The following SUSD4 variants were observed in gnomAD, a reference collection of about 807,000 sequenced individuals.
SUSD4 encodes sushi domain-containing protein 4.
Under a neutral mutation model 50.5 loss-of-function variants are expected in SUSD4, and 41 were observed. The ratio of observed to expected loss-of-function variants is 0.81; its 90% confidence interval spans 0.63 to 1.05. The LOEUF (loss-of-function observed/expected upper bound fraction) is 1.05. SUSD4 is among the 50% of genes least tolerant of loss of function. The pLI, the probability that SUSD4 is intolerant of heterozygous loss-of-function variation, is 0.00. For missense variants in SUSD4, 580 were observed against 634.7 expected (o/e 0.91, Z 0.93); for synonymous variants, 257 against 257.3 (o/e 1.00, Z 0.01).
chr1:223,354,680 A>G (rs1001227967), intron 2 of SUSD4, among the ~76,000 whole-genome samples: 1 of 152,236 alleles, frequency 6.6e-6, no homozygotes, highest in Non-Finnish European at 1.5e-5. Context: ...AGATTCTAAC[A>G]TTGACACTCA....
intron 2 of SUSD4, among the ~76,000 whole-genome samples, chr1:223,361,935 G>T (rs1267132194): frequency 6.6e-6 from 1 of 152,226 alleles, no homozygotes; most frequent in Non-Finnish European, 1.5e-5. Context: ...AGGGCACACA[G>T]GTGCTGGCCT....
At chr1:223,317,936 C>T (rs1190223161) in intron 2 of SUSD4, among the ~76,000 whole-genome samples, 1 of 113,800 alleles carries the variant, frequency 8.8e-6, no homozygotes, top group Non-Finnish European at 1.8e-5. Flanking sequence ...ATACATGTGC[C>T]ATGCTGGTGC....
chr1:223,317,522 C>A (rs1666273261), intron 2 of SUSD4, among the ~76,000 whole-genome samples: 3 of 152,114 alleles, frequency 2.0e-5, no homozygotes, highest in Admixed American at 2.0e-4. Flanking sequence ...GGATTGGGAC[C>A]CCTTTCCTGG....
chr1:223,309,436 G>C (rs1459383591), intron 2 of SUSD4, among the ~76,000 whole-genome samples: 1 of 152,210 alleles, frequency 6.6e-6, no homozygotes, highest in Non-Finnish European at 1.5e-5. Flanking sequence ...CCAGGGATAA[G>C]AGGGAAACAA....
chr1:223,221,728 A>G lies in SUSD4; in HGVS notation c.*464T>C, dbSNP rs1398719597. ...GGCTCTGCTGTTCTTCCAGCATCTCAACACAAACTTTCTGCAGAGGCTGAC... is the reference window on the plus strand; with the variant it reads ...GGCTCTGCTGTTCTTCCAGCATCTCGACACAAACTTTCTGCAGAGGCTGAC... On this transcript the variant is annotated 3_prime_UTR_variant, in exon 9 of 9. Transcript: ENST00000366878. 1 of 156,246 alleles carries G rather than the reference A, an allele frequency of 6.4e-6. No homozygotes were observed. Among genetic ancestry groups the G allele is most frequent in the Non-Finnish European group, 1.4e-5 (1 of 70,990 alleles). The allele number at this position is 156,246 out of a possible 1,614,324, so 9.7% of individuals were successfully genotyped here.
intron 2 of SUSD4, among the ~76,000 whole-genome samples, chr1:223,294,090 C>T (rs1442583836): frequency 6.6e-6 from 1 of 152,160 alleles, no homozygotes; most frequent in Non-Finnish European, 1.5e-5. Context: ...ACTCCTGAGC[C>T]CTACAGAGGC....
intron 3 of SUSD4, among the ~76,000 whole-genome samples, chr1:223,284,156 AC>A (rs1274458818): frequency 1.4e-4 from 21 of 152,130 alleles, no homozygotes; most frequent in African/African-American, 5.1e-4. Context: ...GGTGCAGCAC[AC>A]CAACATGGCA....
intron 5 of SUSD4, among the ~76,000 whole-genome samples, chr1:223,249,633 T>C (rs983298939): frequency 7.9e-5 from 12 of 152,232 alleles, no homozygotes; most frequent in African/African-American, 2.4e-4. Context: ...TATGCACTTA[T>C]GGGTTCTATA....
chr1:223,268,616 C>G lies in SUSD4; in HGVS notation c.421G>C (p.Glu141Gln), dbSNP rs370333681. 2 of 1,614,126 alleles carry G rather than the reference C, an allele frequency of 1.2e-6. No individual in the cohort carries two copies. The highest frequency in any genetic ancestry group is 1.7e-5 in the Admixed American group (1 of 60,020). ...EIHNKTYRHG[E>Q]KLIITCHEGF... ...TCATGACAAGTGATGATTAGCTTCT[C>G]TCCATGTCTATATGTCTTGTTATGA... Residue 141 changes from glutamate to glutamine, a missense_variant, in exon 4 of 9, where the codon GAG (glutamate) becomes CAG (glutamine). Coordinates refer to ENST00000366878, the MANE Select transcript of SUSD4 (RefSeq NM_017982.4).
intron 5 of SUSD4, among the ~76,000 whole-genome samples, chr1:223,248,984 T>C (rs761534668): frequency 5.9e-5 from 9 of 152,126 alleles, no homozygotes; most frequent in Non-Finnish European, 1.0e-4. Context: ...GGGGAATGGC[T>C]GGTGCTGAAA....
At chr1:223,232,591 T>C (rs767674810) in intron 5 of SUSD4, among the ~76,000 whole-genome samples, 7 of 152,228 alleles carry the variant, frequency 4.6e-5, no homozygotes, top group Non-Finnish European at 1.0e-4. Context: ...AGCATTTTTT[T>C]CTCACTGGGC....
intron 2 of SUSD4, among the ~76,000 whole-genome samples, chr1:223,340,590 C>T (rs1258246735): frequency 6.6e-6 from 1 of 152,232 alleles, no homozygotes; most frequent in African/African-American, 2.4e-5. Context: ...CCAAAAGCAG[C>T]TTCTGTCCGC....
At chr1:223,241,841 G>C (rs1427030855) in intron 5 of SUSD4, among the ~76,000 whole-genome samples, 1 of 152,202 alleles carries the variant, frequency 6.6e-6, no homozygotes, top group African/African-American at 2.4e-5. Context: ...TCAAAGAAAG[G>C]AGTGCCTTTC....
At chr1:223,273,189 C>T (rs1663030995) in intron 3 of SUSD4, among the ~76,000 whole-genome samples, 1 of 152,144 alleles carries the variant, frequency 6.6e-6, no homozygotes, top group Non-Finnish European at 1.5e-5. Context: ...CTTAAAAACA[C>T]TAAAGAAGAC....
chr1:223,222,921 C>T (rs1257548166), intron 8 of SUSD4, among the ~76,000 whole-genome samples: 1 of 152,184 alleles, frequency 6.6e-6, no homozygotes, highest in South Asian at 2.1e-4. Context: ...AGAAGAAATA[C>T]ATTCCAGATC....
At chr1:223,275,910 G>A (rs763951430) in intron 3 of SUSD4, among the ~76,000 whole-genome samples, 8 of 152,192 alleles carry the variant, frequency 5.3e-5, no homozygotes, top group East Asian at 1.9e-4. Context: ...AACCTAATCC[G>A]CGCAAGCTGG....
chr1:223,354,966 C>CT (rs913098308), intron 2 of SUSD4, among the ~76,000 whole-genome samples: 84 of 151,136 alleles, frequency 5.6e-4, no homozygotes, highest in African/African-American at 1.5e-3. Context: ...TTCTTTCTTT[C>CT]TTTTTTTTTG....
intron 3 of SUSD4, among the ~76,000 whole-genome samples, chr1:223,284,047 C>T (rs564143396): frequency 1.2e-3 from 178 of 143,854 alleles, no homozygotes; most frequent in African/African-American, 4.4e-3. Context: ...CACGTGGACA[C>T]AGGAAGGGAA....
At chr1:223,245,985 T>A (rs1053893330) in intron 5 of SUSD4, among the ~76,000 whole-genome samples, 9 of 152,150 alleles carry the variant, frequency 5.9e-5, no homozygotes, top group African/African-American at 1.9e-4. Flanking sequence ...GAGCTTCCAG[T>A]GGGAAAGTCA....
Sources: allele counts gnomAD v4.1 joint callset (sites outside exome capture counted in the v4.1 genomes callset), GRCh38; gene constraint gnomAD v4.1.1; transcripts MANE v1.5; gene names NCBI Gene and HGNC (gene_info 2026-07-23, HGNC 2026-07-21).